SEMA5A: variants seen among roughly 807,000 people sequenced by gnomAD.
The protein encoded by SEMA5A is semaphorin-5A.
A neutral mutation model predicts 135.5 loss-of-function variants in SEMA5A; 55 were observed. That is an observed-to-expected ratio of 0.41 (90% confidence interval 0.33 to 0.51). The LOEUF (loss-of-function observed/expected upper bound fraction) is 0.51, where lower values mean the gene tolerates loss of function less well. SEMA5A is among the 20% of genes least tolerant of loss of function. The pLI, the probability that SEMA5A is intolerant of heterozygous loss-of-function variation, is 0.37. For synonymous variants in SEMA5A, 580 were observed against 546.5 expected (o/e 1.06, Z -0.85); for missense variants, 1,290 against 1,419.9 (o/e 0.91, Z 1.47).
At chr5:9,194,249 G>A (rs530377890) in intron 10 of SEMA5A, among the ~76,000 whole-genome samples, 5 of 152,022 alleles carry the variant, frequency 3.3e-5, no homozygotes, top group Non-Finnish European at 7.4e-5. Flanking sequence ...TATTTTGTCC[G>A]AAAAAAATGA....
intron 2 of SEMA5A, among the ~76,000 whole-genome samples, chr5:9,390,592 A>G (rs2099833378): frequency 6.6e-6 from 1 of 152,204 alleles, no homozygotes; most frequent in South Asian, 2.1e-4. Flanking sequence ...AACACGGTGT[A>G]TATCTGATGA....
rs143708925 is a variant in SEMA5A, at chr5:9,496,714, T to A, written c.-175+48870A>T. Among the ~76,000 whole-genome samples the A allele has an allele frequency of 6.4e-4, 97 of 152,180 alleles. 1 individual carries two copies. The highest frequency in any genetic ancestry group is 2.1e-3 in the African/African-American group (89 of 41,514). On this transcript the variant is annotated intron_variant, in intron 1 of 22. Coordinates refer to ENST00000382496, the MANE Select transcript of SEMA5A (RefSeq NM_003966.3). ...CTCGGTCACCAGCCTGCCTGCCAAG[T>A]AGTCAAGAAAAAAATGACCATCCTG...
At chr5:9,050,555 A>G in intron 20 of SEMA5A, 98 bp from the exon 21 acceptor site, 1 of 1,007,324 alleles carries the variant, frequency 9.9e-7, no homozygotes, top group Non-Finnish European at 1.4e-6. Context: ...TCTGAATGTT[A>G]TGTGACACAA....
At chr5:9,396,486 C>G (rs1756407848) in intron 2 of SEMA5A, among the ~76,000 whole-genome samples, 1 of 152,044 alleles carries the variant, frequency 6.6e-6, no homozygotes, top group African/African-American at 2.4e-5. Flanking sequence ...CAAACAACAC[C>G]CCAGAGGATA....
intron 2 of SEMA5A, among the ~76,000 whole-genome samples, chr5:9,405,298 C>T (rs1197507536): frequency 6.6e-6 from 1 of 152,164 alleles, no homozygotes; most frequent in Non-Finnish European, 1.5e-5. Context: ...GACATATGTA[C>T]TCTGGAAAAA....
chr5:9,159,164 C>T (rs781757092), intron 11 of SEMA5A, among the ~76,000 whole-genome samples: 14 of 152,076 alleles, frequency 9.2e-5, no homozygotes, highest in Non-Finnish European at 1.2e-4. Flanking sequence ...TTATAGGTGA[C>T]GATATTGAGT....
In SEMA5A at chr5:9,204,379, TG is replaced by T. The variant is rs1745895066; in HGVS notation, c.647-2140del. ...CTTCTGCTATTAACTTGGGGACAAA[TG>T]GCATGAAAACCACATAGTAAATAGC... On this transcript the variant is annotated intron_variant, in intron 8 of 22. Coordinates refer to ENST00000382496, the MANE Select transcript of SEMA5A (RefSeq NM_003966.3). This position sits in a 1 kb window ranked among gnomAD's most constrained non-coding sequence, Gnocchi z 6.4. Among the ~76,000 whole-genome samples the T allele has an allele frequency of 6.6e-6, 1 of 152,180 alleles. No homozygotes were observed. Among genetic ancestry groups the T allele is most frequent in the South Asian group, 2.1e-4 (1 of 4,828 alleles).
intron 2 of SEMA5A, among the ~76,000 whole-genome samples, chr5:9,427,087 T>A (rs1004071114): frequency 6.6e-6 from 1 of 151,732 alleles, no homozygotes; most frequent in South Asian, 2.1e-4. Flanking sequence ...CTGAGGCGGG[T>A]GTATCATGAG....
intron 5 of SEMA5A, chr5:9,280,809 TG>T: frequency 2.3e-6 from 1 of 431,718 alleles, no homozygotes; most frequent in South Asian, 1.7e-5. Context: ...TCCTCAGACC[TG>T]GAAGGAAATT....
intron 16 of SEMA5A, among the ~76,000 whole-genome samples, chr5:9,068,721 A>T (rs1737611085): frequency 6.6e-6 from 1 of 152,102 alleles, no homozygotes; most frequent in Non-Finnish European, 1.5e-5. Flanking sequence ...GTGGATTCCT[A>T]AGCTCTCTGA....
chr5:9,119,026 C>A lies in SEMA5A; in HGVS notation c.1897G>T (p.Val633Leu), dbSNP rs1020280389. ...SNPTPRHGGRVCVGQNREERY... is the reference protein window; with the variant it reads ...SNPTPRHGGRLCVGQNREERY... ...TCCTCGCGGTTCTGTCCCACGCACACCCGGCCCCCGTGCCTGGGAGTGGGG... is the reference window on the plus strand; with the variant it reads ...TCCTCGCGGTTCTGTCCCACGCACAACCGGCCCCCGTGCCTGGGAGTGGGG... Residue 633 changes from valine to leucine, a missense_variant, in exon 15 of 23, where the codon GTG (valine) becomes TTG (leucine). By Grantham distance (32) the Val-to-Leu change is conservative (BLOSUM62 1). Around this residue, in one of 3 missense-constraint regions of SEMA5A, gnomAD observed 1,029 missense variants for 1,086.6 expected, o/e 0.95. Transcript: ENST00000382496. 2 of 1,613,476 alleles carry A rather than the reference C, an allele frequency of 1.2e-6. No individual in the cohort carries two copies. The highest frequency in any genetic ancestry group is 1.7e-6 in the Non-Finnish European group (2 of 1,179,912).
intron 1 of SEMA5A, among the ~76,000 whole-genome samples, chr5:9,477,882 T>C (rs373889049): frequency 5.3e-5 from 8 of 152,334 alleles, no homozygotes; most frequent in African/African-American, 1.9e-4. Flanking sequence ...GAAATTTGCA[T>C]AAGCAACAAT....
At chr5:9,293,219 G>A (rs927698404) in intron 5 of SEMA5A, among the ~76,000 whole-genome samples, 1 of 152,260 alleles carries the variant, frequency 6.6e-6, no homozygotes, top group African/African-American at 2.4e-5. Context: ...CTGGAAGAAT[G>A]TAGTGCAAGG....
chr5:9,321,402 C>T (rs1001425988), intron 4 of SEMA5A, among the ~76,000 whole-genome samples: 2 of 152,134 alleles, frequency 1.3e-5, no homozygotes, highest in Admixed American at 6.5e-5. Context: ...CACATATTTC[C>T]CACTGTCTTT....
rs76666089 is a variant in SEMA5A, at chr5:9,221,934, G to A, written c.646+2740C>T. On this transcript the variant is annotated intron_variant, in intron 8 of 22. Coordinates refer to ENST00000382496, the MANE Select transcript of SEMA5A (RefSeq NM_003966.3). ...GGAACTGGGGTGCTTAGACCATTAC[G>A]GAGCTGACCTGAGGGCCTCACTGAA... Among the ~76,000 whole-genome samples the A allele has an allele frequency of 1.4e-3, 217 of 152,216 alleles. 3 individuals carry two copies. The East Asian group carries it at 0.036, about 25-fold the overall frequency.
At chr5:9,288,757 A>C (rs1750923089) in intron 5 of SEMA5A, among the ~76,000 whole-genome samples, 1 of 152,220 alleles carries the variant, frequency 6.6e-6, no homozygotes, top group Non-Finnish European at 1.5e-5. Context: ...TGCATAATGA[A>C]GTGGCTGGAA....
At chr5:9,526,687 G>A (rs957625586) in intron 1 of SEMA5A, among the ~76,000 whole-genome samples, 2 of 152,182 alleles carry the variant, frequency 1.3e-5, no homozygotes, top group Non-Finnish European at 1.5e-5. Context: ...GTACATTCAC[G>A]TCCCCTAGTT....
intron 3 of SEMA5A, among the ~76,000 whole-genome samples, chr5:9,372,022 T>G (rs1755157387): frequency 6.6e-6 from 1 of 152,234 alleles, no homozygotes; most frequent in Non-Finnish European, 1.5e-5. Context: ...TTGGAGAAAG[T>G]AGGACATTAT....
intron 1 of SEMA5A, among the ~76,000 whole-genome samples, chr5:9,473,383 TA>T (rs58137756): frequency 6.3e-5 from 5 of 79,704 alleles, no homozygotes; most frequent in Non-Finnish European, 8.8e-5. Flanking sequence ...CAATCAGTGG[TA>T]AAAAAAAAAA....
Sources: gnomAD v4.1 joint callset for allele counts (sites outside exome capture counted in the v4.1 genomes callset) on GRCh38, gnomAD v4.1.1 for gene constraint, gnomAD v4.1.1 regional missense constraint, Gnocchi (gnomAD v3.1) non-coding constraint, MANE v1.5 for transcripts, NCBI Gene and HGNC (gene_info 2026-07-23, HGNC 2026-07-21) for gene names.